NALF1: variants seen among roughly 807,000 people sequenced by gnomAD.
The protein encoded by NALF1 is NALCN channel auxiliary factor 1, also known as family with sequence similarity 155 member A.
In NALF1, 3 loss-of-function variants were observed where a neutral mutation model predicts 48.4. The ratio of observed to expected loss-of-function variants is 0.06; its 90% confidence interval spans 0.03 to 0.16. NALF1 has a LOEUF of 0.16. Among genes scored for constraint, NALF1 ranks in the 10% least tolerant of loss-of-function variants. The pLI is 1.00. For synonymous variants in NALF1, 262 were observed against 245.7 expected (o/e 1.07, Z -0.62); for missense variants, 526 against 571.5 (o/e 0.92, Z 0.81).
chr13:107,568,288 C>A (rs1030435146), intron 1 of NALF1, among the ~76,000 whole-genome samples: 1 of 152,126 alleles, frequency 6.6e-6, no homozygotes, highest in African/African-American at 2.4e-5. Flanking sequence ...GCCTTGTTCC[C>A]TTTTTATTGC....
At chr13:107,610,433 A>G (rs1297011316) in intron 1 of NALF1, among the ~76,000 whole-genome samples, 1 of 152,022 alleles carries the variant, frequency 6.6e-6, no homozygotes, top group African/African-American at 2.4e-5. Flanking sequence ...AAAGATCTCT[A>G]AAACATAATT....
At chr13:107,341,880 AACACACAC>A (rs57041785) in intron 1 of NALF1, among the ~76,000 whole-genome samples, 9 of 146,798 alleles carry the variant, frequency 6.1e-5, no homozygotes, top group East Asian at 2.0e-4. Flanking sequence ...TGCACATGCA[AACACACAC>A]ACACACACAC....
At chr13:107,238,474 C>A (rs1199723151) in intron 1 of NALF1, among the ~76,000 whole-genome samples, 3 of 152,112 alleles carry the variant, frequency 2.0e-5, no homozygotes, top group African/African-American at 7.2e-5. Context: ...GGGGATGGCT[C>A]CTGCCATCAA....
Position 107,823,317 on chromosome 13 carries a change from T to C in NALF1, c.915+42365A>G, listed in dbSNP as rs375504747. Among the ~76,000 whole-genome samples, 218 of 152,296 alleles carry C rather than the reference T, an allele frequency of 1.4e-3. 1 individual carries two copies. Among genetic ancestry groups the C allele is most frequent in the African/African-American group, 4.8e-3 (201 of 41,566 alleles). On this transcript the variant is annotated intron_variant, in intron 1 of 2. Coordinates refer to ENST00000375915, the MANE Select transcript of NALF1 (RefSeq NM_001080396.3). Reference sequence around the variant, plus strand: ...TTGAGTTCAAGACCCTCACCCTTGCTCACACTACCATCCTCTCTCACCTGG... The same window carrying C: ...TTGAGTTCAAGACCCTCACCCTTGCCCACACTACCATCCTCTCTCACCTGG...
At chr13:107,461,930 A>G (rs1884924774) in intron 1 of NALF1, among the ~76,000 whole-genome samples, 2 of 152,182 alleles carry the variant, frequency 1.3e-5, no homozygotes, top group South Asian at 4.1e-4. Context: ...CTCAGCTCCC[A>G]GCCCTTCTCA....
intron 1 of NALF1, among the ~76,000 whole-genome samples, chr13:107,511,839 A>G (rs1168670509): frequency 6.6e-6 from 1 of 152,196 alleles, no homozygotes; most frequent in Non-Finnish European, 1.5e-5. Context: ...ATTTTATGAA[A>G]ACAAGGTTAT....
intron 1 of NALF1, among the ~76,000 whole-genome samples, chr13:107,421,068 G>T (rs76538384): frequency 0.02 from 3,113 of 152,212 alleles, 40 homozygotes; most frequent in South Asian, 0.029. Context: ...TATGCTACAG[G>T]CACTTCAAAT....
chr13:107,784,989 C>A (rs1365887116), intron 1 of NALF1, among the ~76,000 whole-genome samples: 1 of 151,908 alleles, frequency 6.6e-6, no homozygotes, highest in Non-Finnish European at 1.5e-5. Flanking sequence ...TGCAAAATCG[C>A]GGAACCAACC....
intron 1 of NALF1, among the ~76,000 whole-genome samples, chr13:107,454,736 G>C (rs898903551): frequency 6.6e-6 from 1 of 152,138 alleles, no homozygotes; most frequent in African/African-American, 2.4e-5. Flanking sequence ...CTGAGCCTGT[G>C]TTTTGTTTCT....
chr13:107,803,326 G>A (rs959619413), intron 1 of NALF1, among the ~76,000 whole-genome samples: 10 of 151,980 alleles, frequency 6.6e-5, no homozygotes, highest in East Asian at 1.9e-4. Flanking sequence ...TAAATATAAC[G>A]TGGTCAATTT....
At chr13:107,683,800 T>A (rs1442198010) in intron 1 of NALF1, among the ~76,000 whole-genome samples, 1 of 152,128 alleles carries the variant, frequency 6.6e-6, no homozygotes, top group Non-Finnish European at 1.5e-5. Context: ...TCTGGAAGGG[T>A]CACTTGCGAT....
intron 1 of NALF1, among the ~76,000 whole-genome samples, chr13:107,276,961 C>G (rs1287690676): frequency 6.6e-6 from 1 of 152,040 alleles, no homozygotes; most frequent in Non-Finnish European, 1.5e-5. Flanking sequence ...AAATATTGTT[C>G]AAATCCTCCC....
At chr13:107,180,273 T>C (rs1478959076) in intron 2 of NALF1, among the ~76,000 whole-genome samples, 1 of 152,086 alleles carries the variant, frequency 6.6e-6, no homozygotes, top group African/African-American at 2.4e-5. Context: ...TTACAAATAC[T>C]ATGTAAGCAC....
At chr13:107,405,384 T>C (rs983439568) in intron 1 of NALF1, among the ~76,000 whole-genome samples, 1 of 152,210 alleles carries the variant, frequency 6.6e-6, no homozygotes, top group South Asian at 2.1e-4. Flanking sequence ...TATTGGCTGG[T>C]GGATGCTCTC....
At chr13:107,414,462 A>T (rs9520432) in intron 1 of NALF1, among the ~76,000 whole-genome samples, 32,589 of 150,446 alleles carry the variant, frequency 0.22, 4,023 homozygotes, top group Middle Eastern at 0.28. Flanking sequence ...TATATTCGGT[A>T]ACAAATTACC....
chr13:107,453,086 G>A (rs1435378730), intron 1 of NALF1, among the ~76,000 whole-genome samples: 2 of 152,186 alleles, frequency 1.3e-5, no homozygotes, highest in Non-Finnish European at 2.9e-5. Flanking sequence ...TTCATGGCTG[G>A]CATTGAGTGT....
intron 1 of NALF1, among the ~76,000 whole-genome samples, chr13:107,497,711 C>A (rs891888690): frequency 1.3e-4 from 20 of 152,148 alleles, no homozygotes; most frequent in Admixed American, 1.2e-3. Context: ...ATTATAGATA[C>A]GTGTGTGTAT....
At chr13:107,814,562 A>G (rs1419660505) in intron 1 of NALF1, among the ~76,000 whole-genome samples, 3 of 152,184 alleles carry the variant, frequency 2.0e-5, no homozygotes, top group Non-Finnish European at 4.4e-5. Flanking sequence ...CATGAAAACA[A>G]CAACAGAAGA....
chr13:107,797,192 CT>C (rs2138592665), intron 1 of NALF1, among the ~76,000 whole-genome samples: 1 of 152,072 alleles, frequency 6.6e-6, no homozygotes, highest in Non-Finnish European at 1.5e-5. Flanking sequence ...TCCTCATCAC[CT>C]CCCATTTTTC....
Sources: allele counts gnomAD v4.1 joint callset (sites outside exome capture counted in the v4.1 genomes callset), GRCh38; gene constraint gnomAD v4.1.1; transcripts MANE v1.5; gene names NCBI Gene and HGNC (gene_info 2026-07-23, HGNC 2026-07-21).